DRC11: variants seen among roughly 807,000 people sequenced by gnomAD.
DRC11 encodes the protein IQ and AAA domain-containing protein 1.
the DRC11 span, chr2:236,324,478 G>T: frequency 2.2e-6 from 1 of 457,488 alleles, no homozygotes; most frequent in Non-Finnish European, 4.0e-6. The surrounding 1 kb of genome is among the most constrained non-coding windows in gnomAD (Gnocchi z 5.7). Flanking sequence ...TGTCCAGCCT[G>T]GGAAAGGCAT....
chr2:236,477,068 C>CT, the DRC11 span, among the ~76,000 whole-genome samples: 2 of 152,014 alleles, frequency 1.3e-5, no homozygotes, highest in Non-Finnish European at 2.9e-5. Flanking sequence ...CGGTAGTTTT[C>CT]TTTTTTTGTT....
chr2:236,500,129 A>C, the DRC11 span, among the ~76,000 whole-genome samples: 2 of 148,584 alleles, frequency 1.3e-5, no homozygotes, highest in Admixed American at 6.7e-5. The surrounding 1 kb of genome is among the most constrained non-coding windows in gnomAD (Gnocchi z 6.3). Context: ...GGCGAAGGTA[A>C]CAGCTTACAT....
At chr2:236,461,315 G>A in the DRC11 span, among the ~76,000 whole-genome samples, 1 of 152,174 alleles carries the variant, frequency 6.6e-6, no homozygotes, top group South Asian at 2.1e-4. The surrounding 1 kb of genome is among the most constrained non-coding windows in gnomAD (Gnocchi z 4.0). Context: ...TGAGCACACA[G>A]CATATAATCC....
chr2:236,347,346 C>G, the DRC11 span, among the ~76,000 whole-genome samples: 3 of 151,932 alleles, frequency 2.0e-5, no homozygotes, highest in Non-Finnish European at 4.4e-5. Context: ...GTAGAACTAC[C>G]ATTTGATCCA....
the DRC11 span, among the ~76,000 whole-genome samples, chr2:236,423,598 T>C: frequency 6.6e-6 from 1 of 152,210 alleles, no homozygotes; most frequent in Non-Finnish European, 1.5e-5. Flanking sequence ...TTTACACTGT[T>C]GGTGGGACTG....
At chr2:236,467,515 T>C in the DRC11 span, among the ~76,000 whole-genome samples, 4 of 152,258 alleles carry the variant, frequency 2.6e-5, no homozygotes, top group African/African-American at 4.8e-5. Flanking sequence ...CATACTCTTA[T>C]ATTCCCAGAA....
At chr2:236,506,339 C>G in the DRC11 span, among the ~76,000 whole-genome samples, 1 of 152,182 alleles carries the variant, frequency 6.6e-6, no homozygotes, top group African/African-American at 2.4e-5. The surrounding 1 kb of genome is among the most constrained non-coding windows in gnomAD (Gnocchi z 4.9). Context: ...ACATGGGTCT[C>G]GCTCCTGAAC....
chr2:236,339,085 G>A, the DRC11 span, among the ~76,000 whole-genome samples: 1 of 152,136 alleles, frequency 6.6e-6, no homozygotes, highest in African/African-American at 2.4e-5. Context: ...GCACACCAGG[G>A]GCAATGGTGA....
chr2:236,405,462 TC>T, the DRC11 span, among the ~76,000 whole-genome samples: 2 of 151,840 alleles, frequency 1.3e-5, no homozygotes, highest in African/African-American at 4.8e-5. The surrounding 1 kb of genome is among the most constrained non-coding windows in gnomAD (Gnocchi z 4.6). Context: ...TCTCTGGGGC[TC>T]CTCAAATATC....
the DRC11 span, among the ~76,000 whole-genome samples, chr2:236,500,912 G>T: frequency 6.6e-6 from 1 of 152,212 alleles, no homozygotes; most frequent in Non-Finnish European, 1.5e-5. This position sits in a 1 kb window ranked among gnomAD's most constrained non-coding sequence, Gnocchi z 6.3. Context: ...TGGTCAGCCT[G>T]GTCTCGAACT....
chr2:236,483,608 C>G, the DRC11 span, among the ~76,000 whole-genome samples: 18 of 152,060 alleles, frequency 1.2e-4, no homozygotes, highest in Non-Finnish European at 1.8e-4. This position sits in a 1 kb window ranked among gnomAD's most constrained non-coding sequence, Gnocchi z 4.8. Context: ...GGAACATGGA[C>G]TTGAATTCTT....
At chr2:236,358,269 A>G in the DRC11 span, among the ~76,000 whole-genome samples, 6 of 132,842 alleles carry the variant, frequency 4.5e-5, no homozygotes, top group Non-Finnish European at 3.1e-5. Context: ...TGAATATATA[A>G]TATATAGATA....
chr2:236,478,005 T>TTGTGTGTG, the DRC11 span, among the ~76,000 whole-genome samples: 973 of 146,888 alleles, frequency 6.6e-3, 14 homozygotes, highest in African/African-American at 0.023. The surrounding 1 kb of genome is among the most constrained non-coding windows in gnomAD (Gnocchi z 5.9). Context: ...TTTTGTTGAT[T>TTGTGTGTG]TGTGTGTGTG....
the DRC11 span, among the ~76,000 whole-genome samples, chr2:236,428,699 T>A: frequency 6.6e-6 from 1 of 152,240 alleles, no homozygotes; most frequent in African/African-American, 2.4e-5. Flanking sequence ...AGCCATGCTA[T>A]GTCTTTTGAT....
the DRC11 span, among the ~76,000 whole-genome samples, chr2:236,375,586 T>C: frequency 1.3e-5 from 2 of 152,192 alleles, no homozygotes; most frequent in African/African-American, 4.8e-5. This position sits in a 1 kb window ranked among gnomAD's most constrained non-coding sequence, Gnocchi z 4.2. Flanking sequence ...TATTAGGAAA[T>C]GTGAGGGCTC....
chr2:236,399,972 C>A, the DRC11 span, among the ~76,000 whole-genome samples: 1 of 152,168 alleles, frequency 6.6e-6, no homozygotes, highest in South Asian at 2.1e-4. This position sits in a 1 kb window ranked among gnomAD's most constrained non-coding sequence, Gnocchi z 7.0. Flanking sequence ...CCCCCTCAGC[C>A]TCCCACAGTG....
At chr2:236,338,482 T>C in the DRC11 span, 1 of 1,092,832 alleles carries the variant, frequency 9.2e-7, no homozygotes, top group Non-Finnish European at 1.3e-6. Context: ...TTTGTTAAAG[T>C]GATTGCAAAG....
the DRC11 span, among the ~76,000 whole-genome samples, chr2:236,357,318 T>TTA: frequency 6.9e-4 from 80 of 115,168 alleles, 2 homozygotes; most frequent in South Asian, 9.4e-3. Flanking sequence ...GATCTATATA[T>TTA]TATATATATT....
the DRC11 span, chr2:236,487,914 G>C: frequency 1.1e-6 from 1 of 892,812 alleles, no homozygotes; most frequent in Admixed American, 3.8e-5. Flanking sequence ...TGGTGTTTGA[G>C]TTTTGAAGCT....
Sources: allele counts gnomAD v4.1 joint callset (sites outside exome capture counted in the v4.1 genomes callset), GRCh38; gene constraint gnomAD v4.1.1; non-coding constraint Gnocchi (gnomAD v3.1); transcripts MANE v1.5; gene names NCBI Gene and HGNC (gene_info 2026-07-23, HGNC 2026-07-21).